KCNIP4: variants seen among roughly 807,000 people sequenced by gnomAD.
KCNIP4 encodes potassium voltage-gated channel interacting protein 4.
In KCNIP4, 12 loss-of-function variants were observed where a neutral mutation model predicts 34.0. That is an observed-to-expected ratio of 0.35 (90% CI 0.23 to 0.57). KCNIP4 has a LOEUF of 0.57. Among genes scored for constraint, KCNIP4 ranks in the 20% least tolerant of loss-of-function variants. The pLI is 0.83. For missense variants in KCNIP4, 238 were observed against 311.7 expected (o/e 0.76, Z 1.78); for synonymous variants, 124 against 102.2 (o/e 1.21, Z -1.29).
At chr4:21,219,284 C>T (rs1399680163) in intron 1 of KCNIP4, among the ~76,000 whole-genome samples, 1 of 152,092 alleles carries the variant, frequency 6.6e-6, no homozygotes, top group African/African-American at 2.4e-5. Flanking sequence ...ACCCTTCCTG[C>T]AAGGTGCTCG....
At chr4:21,307,713 A>G (rs1456459773) in intron 1 of KCNIP4, among the ~76,000 whole-genome samples, 1 of 152,138 alleles carries the variant, frequency 6.6e-6, no homozygotes, top group Non-Finnish European at 1.5e-5. Flanking sequence ...ATTTCCTGTT[A>G]CCAGCATGCC....
chr4:21,365,604 T>C (rs1719694799), intron 1 of KCNIP4, among the ~76,000 whole-genome samples: 1 of 152,118 alleles, frequency 6.6e-6, no homozygotes, highest in Non-Finnish European at 1.5e-5. Context: ...TTTTCCATCA[T>C]ATTTACATGT....
chr4:20,971,672 G>C (rs1216276680), intron 1 of KCNIP4, among the ~76,000 whole-genome samples: 1 of 152,190 alleles, frequency 6.6e-6, no homozygotes, highest in African/African-American at 2.4e-5. Context: ...TTTGCTGGTA[G>C]AACTGGCCTT....
At chr4:20,749,483 T>C (rs1311596880) in intron 5 of KCNIP4, among the ~76,000 whole-genome samples, 179 bp downstream of exon 5, 3 of 152,146 alleles carry the variant, frequency 2.0e-5, no homozygotes, top group Non-Finnish European at 4.4e-5. Context: ...ATAAACTGAA[T>C]GTGGCTTGCA....
In KCNIP4 at chr4:20,884,526, G is replaced by A. The variant is rs189082136; in HGVS notation, c.62-1817C>T. Among the ~76,000 whole-genome samples, 8 of 151,738 alleles carry A rather than the reference G, an allele frequency of 5.3e-5. No homozygotes were observed. The East Asian group carries it at 5.8e-4, about 11-fold the overall frequency. ...ATTTCCATTTCTGGAAGGATGCAAC[G>A]ATTTAACTACCCTCTCCTTTGCAAA... On this transcript the variant is annotated intron_variant, in intron 1 of 8. Transcript: ENST00000382152.
chr4:21,592,518 C>G (rs915800741), intron 1 of KCNIP4, among the ~76,000 whole-genome samples: 1 of 152,072 alleles, frequency 6.6e-6, no homozygotes, highest in African/African-American at 2.4e-5. Flanking sequence ...TTGATCATCA[C>G]TATTATGCAC....
At chr4:21,311,346 T>G (rs1368804942) in intron 1 of KCNIP4, among the ~76,000 whole-genome samples, 1 of 152,182 alleles carries the variant, frequency 6.6e-6, no homozygotes, top group Non-Finnish European at 1.5e-5. Flanking sequence ...GACCACCATC[T>G]TCACCACGAG....
intron 1 of KCNIP4, among the ~76,000 whole-genome samples, chr4:21,733,107 C>T (rs546949644): frequency 6.6e-6 from 1 of 152,294 alleles, no homozygotes; most frequent in Non-Finnish European, 1.5e-5. Flanking sequence ...TCCTTGGGCA[C>T]TCATGGATGA....
chr4:21,370,515 A>G lies in KCNIP4; in HGVS notation c.62-487806T>C, dbSNP rs549653670. On this transcript the variant is annotated intron_variant, in intron 1 of 8. Transcript: ENST00000382152. ...TAAAGTAATATATACAACATATAAT[A>G]AAGTATAAAAACCTATGTTCTAAGT... Among the ~76,000 whole-genome samples, 38 of 145,344 alleles carry G rather than the reference A, an allele frequency of 2.6e-4. 1 individual carries two copies. In the South Asian group the frequency reaches 3.0e-3, roughly 11 times the overall value.
At position 21,647,863 on chromosome 4, in the gene KCNIP4, CTTTTTTTTT is replaced by C. The variant is rs10539950; in HGVS notation, c.61+300699_61+300707del. Among the ~76,000 whole-genome samples, 3 of 60,198 alleles carry C rather than the reference CTTTTTTTTT, an allele frequency of 5.0e-5. No homozygotes were observed. In the Admixed American group the frequency reaches 7.7e-4, roughly 15 times the overall value. The allele number at this position is 60,198 out of a possible 152,430, so 39.5% of individuals were successfully genotyped here. ...TGGAAGACATTCTGCTACAATGATG[CTTTTTTTTT>C]TTTTTTTTTTTTTTTTTTTTAGACA... On this transcript the variant is annotated intron_variant, in intron 1 of 8. Coordinates refer to ENST00000382152, the MANE Select transcript of KCNIP4 (RefSeq NM_025221.6).
chr4:21,751,048 A>G (rs890500405), intron 1 of KCNIP4, among the ~76,000 whole-genome samples: 12 of 152,180 alleles, frequency 7.9e-5, no homozygotes, highest in African/African-American at 2.7e-4. Flanking sequence ...GCAAAAAATG[A>G]ATTGAGCCTG....
intron 1 of KCNIP4, among the ~76,000 whole-genome samples, chr4:21,730,610 A>G (rs1715517133): frequency 6.6e-6 from 1 of 152,182 alleles, no homozygotes. Flanking sequence ...AAGTTTCATG[A>G]GGGAAAAAAA....
intron 1 of KCNIP4, among the ~76,000 whole-genome samples, chr4:20,963,253 G>A (rs1288070546): frequency 6.6e-6 from 1 of 151,998 alleles, no homozygotes; most frequent in Non-Finnish European, 1.5e-5. Context: ...CTTGAACCCG[G>A]GAATCAGAGG....
At chr4:21,430,172 C>T (rs1180614123) in intron 1 of KCNIP4, among the ~76,000 whole-genome samples, 1 of 152,022 alleles carries the variant, frequency 6.6e-6, no homozygotes, top group African/African-American at 2.4e-5. Context: ...TCCCTATTGA[C>T]ATATCTTTTA....
At chr4:21,310,124 C>T (rs1340735868) in intron 1 of KCNIP4, among the ~76,000 whole-genome samples, 1 of 152,124 alleles carries the variant, frequency 6.6e-6, no homozygotes, top group Non-Finnish European at 1.5e-5. Context: ...CCACCGCCTC[C>T]CAGGTTCAAG....
intron 1 of KCNIP4, among the ~76,000 whole-genome samples, chr4:21,183,790 T>C (rs1374830196): frequency 1.3e-5 from 2 of 152,100 alleles, no homozygotes; most frequent in Non-Finnish European, 2.9e-5. Context: ...GAACTTGCTG[T>C]TCCTTCTACC....
chr4:21,077,696 A>G (rs1577652157), intron 1 of KCNIP4, among the ~76,000 whole-genome samples: 1 of 152,200 alleles, frequency 6.6e-6, no homozygotes, highest in African/African-American at 2.4e-5. Context: ...ATTAGCTCAT[A>G]TAATAAATGT....
chr4:21,906,464 A>C (rs1229726984), intron 1 of KCNIP4, among the ~76,000 whole-genome samples: 2 of 152,194 alleles, frequency 1.3e-5, no homozygotes, highest in Non-Finnish European at 2.9e-5. Flanking sequence ...AGACTCTGGA[A>C]GAGGCAAGGA....
At chr4:21,649,466 G>A (rs897607515) in intron 1 of KCNIP4, among the ~76,000 whole-genome samples, 4 of 152,102 alleles carry the variant, frequency 2.6e-5, no homozygotes, top group Admixed American at 2.6e-4. Context: ...AAATAAATAT[G>A]TTCAAAATAA....
Sources: allele counts gnomAD v4.1 joint callset (sites outside exome capture counted in the v4.1 genomes callset), GRCh38; gene constraint gnomAD v4.1.1; transcripts MANE v1.5; gene names NCBI Gene and HGNC (gene_info 2026-07-23, HGNC 2026-07-21).